Variants in EPHA6 observed in about 807,000 individuals in gnomAD.
The protein encoded by EPHA6 is ephrin type-A receptor 6.
In EPHA6, 50 loss-of-function variants were observed where a neutral mutation model predicts 112.0. The ratio of observed to expected loss-of-function variants is 0.45; its 90% CI spans 0.36 to 0.56. The LOEUF (loss-of-function observed/expected upper bound fraction) is 0.56, where lower values mean the gene tolerates loss of function less well. Among genes scored for constraint, EPHA6 ranks in the 20% least tolerant of loss-of-function variants. EPHA6 has a pLI of 0.00. For missense variants in EPHA6, 1,280 were observed against 1,417.4 expected (o/e 0.90, Z 1.56); for synonymous variants, 529 against 490.7 (o/e 1.08, Z -1.03).
chr3:97,211,867 T>C (rs532719726), intron 3 of EPHA6, among the ~76,000 whole-genome samples: 49 of 152,332 alleles, frequency 3.2e-4, no homozygotes, highest in African/African-American at 1.2e-3. Context: ...CCACATTCTT[T>C]ATTTACTTTG....
chr3:97,384,703 A>AT (rs533444831), intron 5 of EPHA6, among the ~76,000 whole-genome samples: 10 of 152,220 alleles, frequency 6.6e-5, no homozygotes, highest in East Asian at 5.8e-4. Flanking sequence ...GAATATGGTA[A>AT]TTTTTTTATT....
At chr3:97,406,457 C>G (rs1286295018) in intron 6 of EPHA6, among the ~76,000 whole-genome samples, 1 of 152,112 alleles carries the variant, frequency 6.6e-6, no homozygotes, top group Non-Finnish European at 1.5e-5. Flanking sequence ...AACCCACTCC[C>G]ATGGTGACAC....
At chr3:96,971,010 A>T (rs1052467989) in intron 2 of EPHA6, among the ~76,000 whole-genome samples, 2 of 152,094 alleles carry the variant, frequency 1.3e-5, no homozygotes, top group Non-Finnish European at 2.9e-5. Context: ...AAGACAGGGT[A>T]ATTAAGATAA....
chr3:97,574,660 A>G (rs1001958059), intron 11 of EPHA6, among the ~76,000 whole-genome samples: 4 of 152,190 alleles, frequency 2.6e-5, no homozygotes, highest in Non-Finnish European at 5.9e-5. Context: ...ATGAAATTAT[A>G]TAATGAATTC....
intron 10 of EPHA6, among the ~76,000 whole-genome samples, chr3:97,524,875 T>A (rs2107629112): frequency 6.6e-6 from 1 of 152,322 alleles, no homozygotes; most frequent in Middle Eastern, 3.4e-3. Flanking sequence ...AATAAGTTTC[T>A]TCTCTTTTGC....
chr3:97,477,435 AGGAAGGGAAG>A (rs1233924808), intron 8 of EPHA6, among the ~76,000 whole-genome samples: 3 of 115,326 alleles, frequency 2.6e-5, no homozygotes, highest in African/African-American at 1.1e-4. Context: ...AGAAAGAGAG[AGGAAGGGAAG>A]GGAAGGGGAG....
chr3:96,819,225 C>G (rs1428014350), intron 1 of EPHA6, among the ~76,000 whole-genome samples: 1 of 151,990 alleles, frequency 6.6e-6, no homozygotes, highest in Non-Finnish European at 1.5e-5. Context: ...AAGTATATAT[C>G]TATTGGTACA....
chr3:97,175,833 T>TA (rs2076821040), intron 3 of EPHA6, among the ~76,000 whole-genome samples: 1 of 152,020 alleles, frequency 6.6e-6, no homozygotes, highest in East Asian at 1.9e-4. Context: ...AAATACAAGA[T>TA]CATATCATCA....
At position 96,973,914 on chromosome 3, in the gene EPHA6, A is replaced by G. The variant is rs980182535; in HGVS notation, c.451-13416A>G. Among the ~76,000 whole-genome samples the G allele has an allele frequency of 7.8e-4, 114 of 146,082 alleles. 2 individuals carry two copies. The highest frequency in any genetic ancestry group is 2.7e-3 in the African/African-American group (110 of 40,454). On this transcript the variant is annotated intron_variant, in intron 2 of 17. Transcript: ENST00000389672. ...TATTATATAATATATGATATAATAG[A>G]TTCTGTATATTATATAATATATAAT...
At chr3:96,876,547 T>G (rs2036965081) in intron 2 of EPHA6, among the ~76,000 whole-genome samples, 1 of 151,926 alleles carries the variant, frequency 6.6e-6, no homozygotes, top group Non-Finnish European at 1.5e-5. Context: ...TTTATGTCCA[T>G]GTCACTACTC....
At chr3:97,129,862 G>C (rs1440069123) in intron 3 of EPHA6, among the ~76,000 whole-genome samples, 1 of 152,172 alleles carries the variant, frequency 6.6e-6, no homozygotes, top group African/African-American at 2.4e-5. Flanking sequence ...CTGAGAGATA[G>C]TGAGAGATGA....
At chr3:97,669,266 T>G (rs2030525035) in intron 14 of EPHA6, among the ~76,000 whole-genome samples, 1 of 152,090 alleles carries the variant, frequency 6.6e-6, no homozygotes, top group Admixed American at 6.6e-5. Context: ...GTTTTGTTTT[T>G]TTTTTCTAAT....
intron 3 of EPHA6, among the ~76,000 whole-genome samples, chr3:97,038,738 TG>T (rs2108045061): frequency 6.6e-6 from 1 of 152,132 alleles, no homozygotes; most frequent in African/African-American, 2.4e-5. Flanking sequence ...GGGAGCCCAG[TG>T]GGGAAGCTGG....
intron 3 of EPHA6, among the ~76,000 whole-genome samples, chr3:97,053,331 G>A (rs1444668875): frequency 1.3e-5 from 2 of 152,144 alleles, no homozygotes; most frequent in East Asian, 1.9e-4. Context: ...AGTTCAATTC[G>A]AGCAGAGCTG....
At chr3:96,897,271 A>G (rs1011343759) in intron 2 of EPHA6, among the ~76,000 whole-genome samples, 1 of 152,028 alleles carries the variant, frequency 6.6e-6, no homozygotes, top group Non-Finnish European at 1.5e-5. Flanking sequence ...TTCATGCTAT[A>G]TAGTGATCTT....
intron 2 of EPHA6, among the ~76,000 whole-genome samples, chr3:96,873,828 T>A (rs1036215985): frequency 2.6e-5 from 4 of 152,142 alleles, no homozygotes; most frequent in Non-Finnish European, 4.4e-5. Context: ...TGTCCCTGAA[T>A]ATTCAGATTA....
intron 5 of EPHA6, among the ~76,000 whole-genome samples, chr3:97,331,633 GA>G (rs2082803566): frequency 1.3e-5 from 2 of 152,020 alleles, no homozygotes; most frequent in African/African-American, 4.8e-5. Flanking sequence ...GCAAATAAAC[GA>G]GAGAATCTAG....
At chr3:97,679,884 C>A (rs1055726159) in intron 14 of EPHA6, among the ~76,000 whole-genome samples, 2 of 152,170 alleles carry the variant, frequency 1.3e-5, no homozygotes. Flanking sequence ...CTGTTTAACC[C>A]TTTGTGACCC....
At chr3:97,593,556 T>C (rs1039128970) in intron 12 of EPHA6, among the ~76,000 whole-genome samples, 6 of 152,184 alleles carry the variant, frequency 3.9e-5, no homozygotes, top group Non-Finnish European at 8.8e-5. Context: ...GCTAAAAAAT[T>C]ATTGTTATGA....
Sources: allele counts gnomAD v4.1 joint callset (sites outside exome capture counted in the v4.1 genomes callset), GRCh38; gene constraint gnomAD v4.1.1; transcripts MANE v1.5; gene names NCBI Gene and HGNC (gene_info 2026-07-23, HGNC 2026-07-21).